LHFPL6: variants seen among roughly 807,000 people sequenced by gnomAD.
LHFPL6 encodes LHFPL tetraspan subfamily member 6, also known as LHFPL tetraspan subfamily member 6 protein.
LHFPL6 carries 9 observed loss-of-function variants against 20.6 expected under a neutral mutation model. The observed-to-expected ratio is 0.44, with a 90% CI of 0.26 to 0.76. The LOEUF (loss-of-function observed/expected upper bound fraction) is 0.76, where lower values mean the gene tolerates loss of function less well. LHFPL6 is among the 30% of genes least tolerant of loss of function. The pLI, the probability that LHFPL6 is intolerant of heterozygous loss-of-function variation, is 0.20. For missense variants in LHFPL6, 218 were observed against 253.5 expected, an observed-to-expected ratio of 0.86 and a Z score of 0.95; for synonymous variants, 105 against 98.7, an observed-to-expected ratio of 1.06 and a Z score of -0.38.
At chr13:39,440,682 C>A (rs1023074633) in intron 2 of LHFPL6, among the ~76,000 whole-genome samples, 1 of 152,080 alleles carries the variant, frequency 6.6e-6, no homozygotes, top group African/African-American at 2.4e-5. Flanking sequence ...CTCACTGCAG[C>A]CTTCACCTCC....
chr13:39,576,129 C>T (rs937552190), intron 2 of LHFPL6, among the ~76,000 whole-genome samples: 1 of 152,172 alleles, frequency 6.6e-6, no homozygotes, highest in Non-Finnish European at 1.5e-5. Context: ...CCATTTGGGA[C>T]TTGTTCCTAT....
intron 2 of LHFPL6, among the ~76,000 whole-genome samples, chr13:39,522,354 G>A (rs373411347): frequency 1.1e-4 from 17 of 152,154 alleles, no homozygotes; most frequent in East Asian, 1.9e-4. Context: ...ATTTAAACTC[G>A]CGTAGTCTGG....
chr13:39,534,144 C>A (rs1364543260), intron 2 of LHFPL6, among the ~76,000 whole-genome samples: 1 of 152,084 alleles, frequency 6.6e-6, no homozygotes, highest in African/African-American at 2.4e-5. Flanking sequence ...ATGAAACTAA[C>A]CTTGAGGCAA....
intron 2 of LHFPL6, among the ~76,000 whole-genome samples, chr13:39,514,864 T>C (rs1390804446): frequency 2.0e-5 from 3 of 152,092 alleles, no homozygotes; most frequent in Non-Finnish European, 4.4e-5. Flanking sequence ...AGAAGAAAAA[T>C]AGCGAAGTGC....
intron 2 of LHFPL6, among the ~76,000 whole-genome samples, chr13:39,516,356 G>A (rs1007527872): frequency 2.6e-5 from 4 of 152,194 alleles, no homozygotes; most frequent in Admixed American, 1.3e-4. Flanking sequence ...ATTCCACTCC[G>A]CTCAAGCGTC....
intron 2 of LHFPL6, among the ~76,000 whole-genome samples, chr13:39,407,240 TA>T (rs1165741996): frequency 6.6e-6 from 1 of 152,210 alleles, no homozygotes; most frequent in Admixed American, 6.5e-5. Context: ...ACCAAGTAAT[TA>T]ATGATTTTCC....
intron 2 of LHFPL6, among the ~76,000 whole-genome samples, chr13:39,526,416 G>T (rs1870288927): frequency 6.6e-6 from 1 of 152,192 alleles, no homozygotes. Flanking sequence ...CACTAAAAAT[G>T]ACACAAATAC....
At chr13:39,488,413 G>A (rs1868796574) in intron 2 of LHFPL6, among the ~76,000 whole-genome samples, 2 of 152,176 alleles carry the variant, frequency 1.3e-5, no homozygotes, top group Admixed American at 1.3e-4. Flanking sequence ...CTGCGAACAG[G>A]TGATGGATAG....
chr13:39,406,637 A>G (rs1007032860), intron 2 of LHFPL6, among the ~76,000 whole-genome samples: 9 of 152,300 alleles, frequency 5.9e-5, no homozygotes, highest in African/African-American at 1.9e-4. Context: ...CAACTTAAAA[A>G]CCCAACTCTG....
chr13:39,512,394 T>A (rs1292600087), intron 2 of LHFPL6, among the ~76,000 whole-genome samples: 5 of 151,582 alleles, frequency 3.3e-5, no homozygotes, highest in African/African-American at 9.7e-5. Context: ...CGAGGTCAGG[T>A]GATCGAGACC....
chr13:39,536,994 C>T (rs1002185123), intron 2 of LHFPL6, among the ~76,000 whole-genome samples: 10 of 152,320 alleles, frequency 6.6e-5, no homozygotes, highest in African/African-American at 2.2e-4. Context: ...TGAGGTATTA[C>T]GAAGCTGTTG....
chr13:39,455,926 A>G (rs151261370), intron 2 of LHFPL6, among the ~76,000 whole-genome samples: 2 of 152,376 alleles, frequency 1.3e-5, no homozygotes, highest in African/African-American at 4.8e-5. Context: ...AAACACATAC[A>G]TTTACTTGAA....
At chr13:39,368,721 C>CT (rs1870076033) in intron 3 of LHFPL6, among the ~76,000 whole-genome samples, 1 of 152,172 alleles carries the variant, frequency 6.6e-6, no homozygotes, top group Non-Finnish European at 1.5e-5. Flanking sequence ...TAAAAAGAGA[C>CT]AGGCATCATT....
chr13:39,401,251 A>G (rs1364572874), intron 2 of LHFPL6, among the ~76,000 whole-genome samples: 1 of 152,250 alleles, frequency 6.6e-6, no homozygotes, highest in East Asian at 1.9e-4. Flanking sequence ...AGTCATTTGC[A>G]TGAACCTGTT....
At chr13:39,582,301 T>C (rs1872312858) in intron 2 of LHFPL6, among the ~76,000 whole-genome samples, 1 of 152,224 alleles carries the variant, frequency 6.6e-6, no homozygotes. Flanking sequence ...CTGTCTTACA[T>C]GTCCCAGAGT....
chr13:39,515,424 T>C (rs1007112668), intron 2 of LHFPL6, among the ~76,000 whole-genome samples: 8 of 152,224 alleles, frequency 5.3e-5, no homozygotes, highest in African/African-American at 1.9e-4. Flanking sequence ...CTGCACCAAA[T>C]TGGCCTTTAG....
chr13:39,391,420 T>C (rs1011633835), intron 2 of LHFPL6, among the ~76,000 whole-genome samples: 1 of 152,124 alleles, frequency 6.6e-6, no homozygotes, highest in Non-Finnish European at 1.5e-5. Flanking sequence ...TCCTCATCAG[T>C]TAAGAAGGAA....
chr13:39,464,642 T>C (rs574984168), intron 2 of LHFPL6, among the ~76,000 whole-genome samples: 1 of 152,136 alleles, frequency 6.6e-6, no homozygotes, highest in African/African-American at 2.4e-5. Context: ...CTTTTATTTT[T>C]ATAACATTTG....
At chr13:39,487,388 T>C (rs1868761340) in intron 2 of LHFPL6, among the ~76,000 whole-genome samples, 1 of 152,328 alleles carries the variant, frequency 6.6e-6, no homozygotes, top group South Asian at 2.1e-4. Context: ...TCTCCTGTCC[T>C]GCTCTAGCCA....
Sources: gnomAD v4.1 joint callset for allele counts (sites outside exome capture counted in the v4.1 genomes callset) on GRCh38, gnomAD v4.1.1 for gene constraint, MANE v1.5 for transcripts, NCBI Gene and HGNC (gene_info 2026-07-23, HGNC 2026-07-21) for gene names.